Variants in APBB2 observed in about 807,000 individuals in gnomAD.
APBB2 encodes amyloid beta precursor protein binding family B member 2, also known as Fe65-like 1.
Under a neutral mutation model 82.5 loss-of-function variants are expected in APBB2, and 38 were observed. The observed-to-expected ratio is 0.46, with a 90% confidence interval of 0.36 to 0.60. The LOEUF (loss-of-function observed/expected upper bound fraction) is 0.60, where lower values mean the gene tolerates loss of function less well. Among genes scored for constraint, APBB2 ranks in the 20% least tolerant of loss-of-function variants. The probability of loss-of-function intolerance (pLI) is 0.00; values close to 1 mark genes in which losing one functional copy is unlikely to be tolerated. For missense variants in APBB2, 772 were observed against 972.3 expected, an observed-to-expected ratio of 0.79 and a Z score of 2.74; for synonymous variants, 341 against 368.2, an observed-to-expected ratio of 0.93 and a Z score of 0.85.
At position 40,826,415 on chromosome 4, in the gene APBB2, G is replaced by A. The variant is rs1210784230; in HGVS notation, c.1733-445C>T. On this transcript the variant is annotated intron_variant, in intron 14 of 17. Coordinates refer to ENST00000508593, the MANE Select transcript of APBB2 (RefSeq NM_004307.2). The surrounding 1 kb of genome is among the most constrained non-coding windows in gnomAD (Gnocchi z 4.5). ...GACAAGAGTCTCGCTCTGTTGCCCA[G>A]GCTGGAGTGCAGTGGTGCGATCTTG... Among the ~76,000 whole-genome samples the A allele has an allele frequency of 6.6e-6, 1 of 151,588 alleles. No homozygotes were observed. Among genetic ancestry groups the A allele is most frequent in the African/African-American group, 2.4e-5 (1 of 41,206 alleles).
intron 3 of APBB2, among the ~76,000 whole-genome samples, chr4:41,095,212 T>G (rs1743101086): frequency 6.6e-6 from 1 of 152,184 alleles, no homozygotes; most frequent in Non-Finnish European, 1.5e-5. Context: ...TTCAAAATCT[T>G]GAAAATGGGG....
intron 12 of APBB2, among the ~76,000 whole-genome samples, chr4:40,852,925 T>C (rs1196697109): frequency 6.6e-6 from 1 of 152,154 alleles, no homozygotes; most frequent in African/African-American, 2.4e-5. Context: ...GATTACAGCA[T>C]GAGCCACCGT....
chr4:41,146,820 G>A (rs926171233), intron 1 of APBB2, among the ~76,000 whole-genome samples: 6 of 152,164 alleles, frequency 3.9e-5, no homozygotes, highest in African/African-American at 4.8e-5. Context: ...ATCCTTTCCC[G>A]ACTGTGCATC....
At chr4:40,919,155 G>A (rs976831376) in intron 10 of APBB2, among the ~76,000 whole-genome samples, 3 of 152,090 alleles carry the variant, frequency 2.0e-5, no homozygotes, top group Non-Finnish European at 4.4e-5. Flanking sequence ...AGTGCTTTAC[G>A]TAAATGTGCT....
intron 4 of APBB2, among the ~76,000 whole-genome samples, chr4:41,040,981 C>T (rs1225364756): frequency 4.6e-5 from 7 of 152,074 alleles, no homozygotes; most frequent in African/African-American, 9.7e-5. Context: ...CCCGAGTTCA[C>T]GCCATTCTCC....
At chr4:40,943,212 C>A (rs1787504695) in intron 7 of APBB2, among the ~76,000 whole-genome samples, 1 of 152,198 alleles carries the variant, frequency 6.6e-6, no homozygotes, top group South Asian at 2.1e-4. Flanking sequence ...CGGTCACTGG[C>A]CTCTCTACAA....
chr4:40,881,465 T>G, intron 12 of APBB2: 1 of 793,354 alleles, frequency 1.3e-6, no homozygotes, highest in African/African-American at 1.9e-5. Context: ...ACTTTCAGAT[T>G]AGCTCAAAAA....
intron 6 of APBB2, among the ~76,000 whole-genome samples, chr4:40,953,512 C>T (rs574544920): frequency 1.3e-4 from 20 of 151,990 alleles, no homozygotes; most frequent in Non-Finnish European, 2.4e-4. Flanking sequence ...CAATCCACCC[C>T]GACATTCTGG....
At position 40,982,221 on chromosome 4, in the gene APBB2, G is replaced by A. The variant is rs1348847022; in HGVS notation, c.835+31362C>T. Among the ~76,000 whole-genome samples, 6 of 12,900 alleles carry A rather than the reference G, an allele frequency of 4.7e-4. 1 individual carries two copies. Among genetic ancestry groups the A allele is most frequent in the Admixed American group, 1.1e-3 (1 of 906 alleles). 8.5% of individuals were successfully genotyped at this position (12,900 alleles called of 152,430 possible). On this transcript the variant is annotated intron_variant, in intron 6 of 17. Coordinates refer to ENST00000508593, the MANE Select transcript of APBB2 (RefSeq NM_004307.2). ...AAAGAAAGAAAAGAAAGAAAAGAAA[G>A]GAAAGAAAGAAAGAAAGAAAGAAAG... is the stretch of plus-strand genomic sequence containing the variant.
At chr4:40,941,743 G>T (rs898753342) in intron 7 of APBB2, among the ~76,000 whole-genome samples, 7 of 152,224 alleles carry the variant, frequency 4.6e-5, no homozygotes, top group African/African-American at 1.7e-4. Flanking sequence ...TGATCTTCCT[G>T]CCTCAGCCTC....
intron 5 of APBB2, among the ~76,000 whole-genome samples, chr4:41,026,431 C>T (rs1714264277): frequency 6.6e-6 from 1 of 152,172 alleles, no homozygotes; most frequent in Admixed American, 6.5e-5. Flanking sequence ...TCCAATAATA[C>T]TATCTAATTC....
chr4:41,085,250 C>CAAAA (rs71198629), intron 3 of APBB2, among the ~76,000 whole-genome samples: 1 of 66,210 alleles, frequency 1.5e-5, no homozygotes, highest in Non-Finnish European at 2.8e-5. Flanking sequence ...GACTCTGTCT[C>CAAAA]AAAAAAAAAA....
At position 40,826,969 on chromosome 4, in the gene APBB2, C is replaced by A; in HGVS notation, c.1732+163G>T. 1 of 623,980 alleles carries A rather than the reference C, an allele frequency of 1.6e-6. No homozygotes were observed. Among genetic ancestry groups the A allele is most frequent in the Non-Finnish European group, 2.9e-6 (1 of 350,872 alleles). 38.7% of individuals were successfully genotyped at this position (623,980 alleles called of 1,614,324 possible). On this transcript the variant is annotated intron_variant, in intron 14 of 17. Coordinates refer to ENST00000508593, the MANE Select transcript of APBB2 (RefSeq NM_004307.2). This position sits in a 1 kb window ranked among gnomAD's most constrained non-coding sequence, Gnocchi z 4.5. ...CCTAACCCTAGTGATGCAAAATCAACTCTGTGCCTCTGTGAGACCCAGCGT... is the reference window on the plus strand; with the variant it reads ...CCTAACCCTAGTGATGCAAAATCAAATCTGTGCCTCTGTGAGACCCAGCGT...
intron 7 of APBB2, chr4:40,935,434 A>G: frequency 2.8e-6 from 1 of 357,534 alleles, no homozygotes; most frequent in South Asian, 5.0e-5. Flanking sequence ...AAAGCAAACA[A>G]TATAATTCCA....
rs1375462511 is a variant in APBB2, at chr4:40,813,331, A to C, written c.*2761T>G. On this transcript the variant is annotated 3_prime_UTR_variant, in exon 18 of 18. Coordinates refer to ENST00000508593, the MANE Select transcript of APBB2 (RefSeq NM_004307.2). ...AAAAATATTTTAAGCTGTATTTAAC[A>C]GGTTAATTAAAAATATGGTAAGACA... The C allele has an allele frequency of 6.6e-6, 1 of 152,238 alleles. No individual in the cohort carries two copies. Among genetic ancestry groups the C allele is most frequent in the Non-Finnish European group, 1.5e-5 (1 of 68,042 alleles). 9.4% of individuals were successfully genotyped at this position (152,238 alleles called of 1,614,324 possible).
intron 10 of APBB2, among the ~76,000 whole-genome samples, chr4:40,910,975 T>A (rs73810677): frequency 0.095 from 14,451 of 152,314 alleles, 784 homozygotes; most frequent in Middle Eastern, 0.16. Flanking sequence ...GTACACAGCC[T>A]GGACTCTGAA....
chr4:40,857,404 AAC>A (rs1407924209), intron 12 of APBB2, among the ~76,000 whole-genome samples: 1 of 152,234 alleles, frequency 6.6e-6, no homozygotes, highest in Non-Finnish European at 1.5e-5. Flanking sequence ...AAGACTTAGA[AAC>A]TTCATTCAAA....
intron 6 of APBB2, among the ~76,000 whole-genome samples, chr4:40,949,897 C>T (rs920854501): frequency 2.0e-5 from 3 of 152,130 alleles, no homozygotes; most frequent in Non-Finnish European, 4.4e-5. Context: ...AAAAAACCTC[C>T]GCCCTGGAGA....
intron 3 of APBB2, among the ~76,000 whole-genome samples, chr4:41,066,999 G>C (rs559612822): frequency 6.6e-6 from 1 of 152,274 alleles, no homozygotes; most frequent in African/African-American, 2.4e-5. Context: ...ATTAGTACTT[G>C]GAACCATCCG....
Sources: gnomAD v4.1 joint callset for allele counts (sites outside exome capture counted in the v4.1 genomes callset) on GRCh38, gnomAD v4.1.1 for gene constraint, Gnocchi (gnomAD v3.1) non-coding constraint, MANE v1.5 for transcripts, NCBI Gene and HGNC (gene_info 2026-07-23, HGNC 2026-07-21) for gene names.